Variants in LRRC4C observed in about 807,000 individuals in gnomAD.
The protein encoded by LRRC4C is leucine-rich repeat-containing protein 4C.
A neutral mutation model predicts 33.6 loss-of-function variants in LRRC4C; 5 were observed. The observed-to-expected ratio is 0.15, with a 90% confidence interval of 0.08 to 0.31. The LOEUF (loss-of-function observed/expected upper bound fraction) is 0.31, where lower values mean the gene tolerates loss of function less well. Among genes scored for constraint, LRRC4C ranks in the 10% least tolerant of loss-of-function variants. The pLI, the probability that LRRC4C is intolerant of heterozygous loss-of-function variation, is 1.00. For synonymous variants in LRRC4C, 329 were observed against 302.0 expected (o/e 1.09, Z -0.93); for missense variants, 560 against 796.7 (o/e 0.70, Z 3.58).
At position 40,444,374 on chromosome 11, in the gene LRRC4C, T is replaced by C. The variant is rs192217542; in HGVS notation, c.-269-124653A>G. Among the ~76,000 whole-genome samples the C allele has an allele frequency of 1.1e-3, 165 of 150,584 alleles. 8 individuals carry two copies. In the East Asian group the frequency reaches 0.03, roughly 27 times the overall value. The stretch of plus-strand genomic sequence containing the variant: ...TTTATTTTTCTTTTTTTTTTAAATT[T>C]ATTTTTTTATTATTATACTTTAAGT... On this transcript the variant is annotated intron_variant, in intron 3 of 6. Transcript: ENST00000528697.
At chr11:40,675,890 C>T (rs1469723937) in intron 2 of LRRC4C, among the ~76,000 whole-genome samples, 1 of 152,082 alleles carries the variant, frequency 6.6e-6, no homozygotes, top group African/African-American at 2.4e-5. Context: ...ATAGGAAACT[C>T]CCACTGTTCA....
At chr11:40,323,507 G>A (rs1010043756) in intron 3 of LRRC4C, among the ~76,000 whole-genome samples, 3 of 152,076 alleles carry the variant, frequency 2.0e-5, no homozygotes, top group African/African-American at 4.8e-5. Context: ...ATTGCCAGCC[G>A]ATTTTCAGAC....
At chr11:40,377,839 GT>G (rs1948719125) in intron 3 of LRRC4C, among the ~76,000 whole-genome samples, 1 of 152,038 alleles carries the variant, frequency 6.6e-6, no homozygotes, top group Non-Finnish European at 1.5e-5. Context: ...AATATTTTTA[GT>G]TGATAAAATT....
intron 2 of LRRC4C, among the ~76,000 whole-genome samples, chr11:40,695,834 A>T (rs576368808): frequency 7.9e-5 from 12 of 152,124 alleles, no homozygotes; most frequent in African/African-American, 2.6e-4. Context: ...GCTCATCTGG[A>T]TAATCCAGAA....
At chr11:40,669,658 T>C (rs1195604264) in intron 2 of LRRC4C, among the ~76,000 whole-genome samples, 3 of 152,224 alleles carry the variant, frequency 2.0e-5, no homozygotes, top group African/African-American at 7.2e-5. Context: ...TCAGCTTGCC[T>C]GGTACTCCCA....
At chr11:40,980,817 T>C (rs1852465563) in intron 1 of LRRC4C, among the ~76,000 whole-genome samples, 1 of 152,184 alleles carries the variant, frequency 6.6e-6, no homozygotes, top group Non-Finnish European at 1.5e-5. Context: ...TCAAAAGATG[T>C]TGAAGAATCT....
intron 2 of LRRC4C, among the ~76,000 whole-genome samples, chr11:40,847,059 G>A (rs529305160): frequency 3.3e-5 from 5 of 152,214 alleles, no homozygotes; most frequent in South Asian, 2.1e-4. Context: ...GGGCTGAGAC[G>A]ATAGGGTTTT....
chr11:41,212,042 G>C (rs937989859), intron 1 of LRRC4C, among the ~76,000 whole-genome samples: 1 of 152,096 alleles, frequency 6.6e-6, no homozygotes, highest in Non-Finnish European at 1.5e-5. Flanking sequence ...TTATATTTTT[G>C]TTTGTTTAGT....
At chr11:40,878,876 G>T (rs1418464997) in intron 2 of LRRC4C, among the ~76,000 whole-genome samples, 1 of 152,098 alleles carries the variant, frequency 6.6e-6, no homozygotes, top group African/African-American at 2.4e-5. Context: ...AACTGACATT[G>T]TTTCCTTGGT....
chr11:40,968,901 CA>C (rs1389528032), intron 1 of LRRC4C, among the ~76,000 whole-genome samples: 1 of 152,086 alleles, frequency 6.6e-6, no homozygotes. Flanking sequence ...GCTTATGGAA[CA>C]AGGAGTTGTT....
At chr11:40,618,420 T>C (rs1347080758) in intron 3 of LRRC4C, among the ~76,000 whole-genome samples, 1 of 150,686 alleles carries the variant, frequency 6.6e-6, no homozygotes, top group East Asian at 2.0e-4. Context: ...CCAATGGCAC[T>C]GACACTATGA....
intron 2 of LRRC4C, among the ~76,000 whole-genome samples, chr11:40,874,662 C>T (rs1005339464): frequency 1.3e-5 from 2 of 152,160 alleles, no homozygotes; most frequent in African/African-American, 4.8e-5. Flanking sequence ...TTCCAGGTTG[C>T]TCTGACCTAA....
rs377173015 is a variant in LRRC4C, at chr11:40,606,466, A to AT, written c.-270+41675dup. Among the ~76,000 whole-genome samples, 624 of 152,066 alleles carry AT rather than the reference A, an allele frequency of 4.1e-3. 4 individuals carry two copies. Among genetic ancestry groups the AT allele is most frequent in the African/African-American group, 0.014 (587 of 41,466 alleles). ...AGCTAATTTATAAACACTAGGAGAG[A>AT]TTTTTTTTCAAATGAATGATAACAA... On this transcript the variant is annotated intron_variant, in intron 3 of 6. Coordinates refer to ENST00000528697, the MANE Select transcript of LRRC4C (RefSeq NM_001258419.2).
chr11:40,284,790 G>A (rs1455127087), intron 4 of LRRC4C, among the ~76,000 whole-genome samples: 2 of 152,114 alleles, frequency 1.3e-5, no homozygotes, highest in Non-Finnish European at 2.9e-5. Context: ...TGAGGATTAA[G>A]GAGTTAAAAA....
chr11:40,866,972 C>T (rs979040196), intron 2 of LRRC4C, among the ~76,000 whole-genome samples: 2 of 152,010 alleles, frequency 1.3e-5, no homozygotes, highest in African/African-American at 4.8e-5. Flanking sequence ...CATGCCCCCT[C>T]CATCTTCACT....
chr11:40,911,396 G>A (rs188784059), intron 2 of LRRC4C, among the ~76,000 whole-genome samples: 16 of 152,216 alleles, frequency 1.1e-4, no homozygotes, highest in Admixed American at 7.9e-4. Flanking sequence ...ACCAATATCC[G>A]CTGTTCTGCA....
chr11:40,416,018 A>G (rs1387606894), intron 3 of LRRC4C, among the ~76,000 whole-genome samples: 1 of 152,204 alleles, frequency 6.6e-6, no homozygotes, highest in Non-Finnish European at 1.5e-5. Flanking sequence ...TTATGTTAAA[A>G]TCCATGTTTA....
intron 2 of LRRC4C, among the ~76,000 whole-genome samples, chr11:40,652,735 C>A (rs1416528075): frequency 6.6e-6 from 1 of 152,102 alleles, no homozygotes; most frequent in Non-Finnish European, 1.5e-5. Flanking sequence ...GGAGAATGGA[C>A]CACATATCAG....
chr11:41,418,026 A>G (rs186043250), intron 1 of LRRC4C, among the ~76,000 whole-genome samples: 7 of 151,790 alleles, frequency 4.6e-5, no homozygotes, highest in East Asian at 1.9e-4. Flanking sequence ...ACACACACAT[A>G]TGCTGGATCA....
Sources: allele counts gnomAD v4.1 joint callset (sites outside exome capture counted in the v4.1 genomes callset), GRCh38; gene constraint gnomAD v4.1.1; transcripts MANE v1.5; gene names NCBI Gene and HGNC (gene_info 2026-07-23, HGNC 2026-07-21).